Variants in PTPRD observed in about 807,000 individuals in gnomAD.
The protein encoded by PTPRD is receptor-type tyrosine-protein phosphatase delta.
In PTPRD, 34 loss-of-function variants were observed where a neutral mutation model predicts 214.5. The observed-to-expected ratio is 0.16, with a 90% CI of 0.12 to 0.21. The LOEUF (loss-of-function observed/expected upper bound fraction) is 0.21, where lower values mean the gene tolerates loss of function less well. Among genes scored for constraint, PTPRD ranks in the 10% least tolerant of loss-of-function variants. The pLI is 1.00. For synonymous variants in PTPRD, 1,128 were observed against 845.7 expected, an observed-to-expected ratio of 1.33 and a Z score of -5.79; for missense variants, 2,545 against 2,398.7, an observed-to-expected ratio of 1.06 and a Z score of -1.27.
In PTPRD at chr9:10,119,758, T is replaced by C. The variant is rs138788479; in HGVS notation, c.-544-85968A>G. 3.1e-3 allele frequency among the ~76,000 whole-genome samples: 477 copies of C among 152,138 alleles called. 3 individuals carry two copies. The highest frequency in any genetic ancestry group is 0.011 in the African/African-American group (461 of 41,546). ...CGTCTTCTGTTAGAACAAAAATTTA[T>C]TTTCCTGTCTATAAAAGCAGTCATG... On this transcript the variant is annotated intron_variant, in intron 3 of 45. Transcript: ENST00000381196.
At chr9:10,310,360 A>G (rs2154416961) in intron 3 of PTPRD, among the ~76,000 whole-genome samples, 1 of 152,214 alleles carries the variant, frequency 6.6e-6, no homozygotes, top group South Asian at 2.1e-4. Flanking sequence ...ACAAAAATGG[A>G]AAACATGATT....
At chr9:9,710,683 T>C (rs1208751548) in intron 7 of PTPRD, among the ~76,000 whole-genome samples, 1 of 152,132 alleles carries the variant, frequency 6.6e-6, no homozygotes, top group East Asian at 1.9e-4. Context: ...TCCATTTTCA[T>C]CTTCAAATTT....
At chr9:8,621,437 GT>G (rs2095820915) in intron 14 of PTPRD, among the ~76,000 whole-genome samples, 1 of 151,942 alleles carries the variant, frequency 6.6e-6, no homozygotes, top group African/African-American at 2.4e-5. Context: ...TCTTAAAAAT[GT>G]TGATAGGGAA....
chr9:8,335,067 G>A (rs1215261286), intron 43 of PTPRD, among the ~76,000 whole-genome samples: 2 of 152,036 alleles, frequency 1.3e-5, no homozygotes, highest in African/African-American at 2.4e-5. Context: ...TCTACCAGAG[G>A]TACAAAGAGG....
chr9:9,636,977 G>C (rs2154363172), intron 7 of PTPRD, among the ~76,000 whole-genome samples: 1 of 151,744 alleles, frequency 6.6e-6, no homozygotes, highest in African/African-American at 2.4e-5. Context: ...GTCCTCACAT[G>C]GTAGAAGCAG....
intron 3 of PTPRD, among the ~76,000 whole-genome samples, chr9:10,078,508 T>G (rs1233903910): frequency 4.7e-5 from 5 of 106,888 alleles, no homozygotes; most frequent in Non-Finnish European, 7.0e-5. Context: ...AGACCAAGAC[T>G]CCATCTAAAA....
chr9:8,844,742 C>A (rs1265959397), intron 11 of PTPRD, among the ~76,000 whole-genome samples: 1 of 152,128 alleles, frequency 6.6e-6, no homozygotes, highest in Non-Finnish European at 1.5e-5. Context: ...ATTCTATATG[C>A]TAGGTCACAG....
At chr9:9,902,969 C>A (rs150231949) in intron 5 of PTPRD, among the ~76,000 whole-genome samples, 5 of 152,122 alleles carry the variant, frequency 3.3e-5, no homozygotes, top group Admixed American at 6.6e-5. Context: ...TCTAATTCTG[C>A]CAAAATATCC....
chr9:9,511,599 G>C (rs994032286), intron 8 of PTPRD, among the ~76,000 whole-genome samples: 4 of 151,698 alleles, frequency 2.6e-5, no homozygotes, highest in African/African-American at 9.7e-5. Context: ...AATAAATACA[G>C]CAACATCAAC....
chr9:8,771,192 A>AG (rs57006870), intron 11 of PTPRD, among the ~76,000 whole-genome samples: 3 of 151,450 alleles, frequency 2.0e-5, no homozygotes, highest in Admixed American at 2.0e-4. Flanking sequence ...AAAAAAAAAA[A>AG]GATAGTAGTC....
chr9:8,744,351 T>C (rs568788706), intron 11 of PTPRD, among the ~76,000 whole-genome samples: 1 of 151,908 alleles, frequency 6.6e-6, no homozygotes, highest in Non-Finnish European at 1.5e-5. Flanking sequence ...TGCACACGCA[T>C]GTATACAGCA....
intron 10 of PTPRD, among the ~76,000 whole-genome samples, chr9:9,129,924 T>G (rs1344817742): frequency 1.3e-5 from 2 of 152,174 alleles, no homozygotes; most frequent in Non-Finnish European, 2.9e-5. Context: ...TTATGTAATT[T>G]CTCTCTGCTT....
At chr9:9,936,284 A>T (rs895971220) in intron 5 of PTPRD, among the ~76,000 whole-genome samples, 3 of 151,578 alleles carry the variant, frequency 2.0e-5, no homozygotes, top group African/African-American at 7.3e-5. Context: ...CATCAGAGTG[A>T]ACAGGCAACC....
intron 13 of PTPRD, 95 bp from the exon 14 acceptor site, chr9:8,633,553 C>T (rs1464154503): frequency 1.0e-5 from 14 of 1,373,048 alleles, no homozygotes; most frequent in Non-Finnish European, 1.2e-5. Flanking sequence ...CCATTAGGCT[C>T]ATAATAAACT....
chr9:9,296,669 A>G (rs1595368575), intron 9 of PTPRD, among the ~76,000 whole-genome samples: 1 of 151,772 alleles, frequency 6.6e-6, no homozygotes, highest in African/African-American at 2.4e-5. Context: ...TAAGAGAGAG[A>G]ATGTAGAATG....
At chr9:10,516,050 C>A (rs2049987106) in intron 2 of PTPRD, among the ~76,000 whole-genome samples, 1 of 151,818 alleles carries the variant, frequency 6.6e-6, no homozygotes, top group Non-Finnish European at 1.5e-5. Context: ...GTGCTAATAT[C>A]TTTTTTAAGA....
At position 10,322,961 on chromosome 9, in the gene PTPRD, T is replaced by G. The variant is rs10959043; in HGVS notation, c.-545+18002A>C. On this transcript the variant is annotated intron_variant, in intron 3 of 45. Coordinates refer to ENST00000381196, the MANE Select transcript of PTPRD (RefSeq NM_002839.4). Reference sequence around the variant, plus strand: ...GAATGTTCAGGAATAAAAGTAACTATGGGGAAGATACAGATTCTATTAAAA... The same window carrying G: ...GAATGTTCAGGAATAAAAGTAACTAGGGGGAAGATACAGATTCTATTAAAA... Among the ~76,000 whole-genome samples, 3 of 151,682 alleles carry G rather than the reference T, an allele frequency of 2.0e-5. No homozygotes were observed. The South Asian group carries it at 6.2e-4, about 31-fold the overall frequency.
At chr9:9,747,981 T>A (rs2098475326) in intron 6 of PTPRD, among the ~76,000 whole-genome samples, 1 of 152,182 alleles carries the variant, frequency 6.6e-6, no homozygotes, top group African/African-American at 2.4e-5. Context: ...ATGTTGTGAT[T>A]AAGCTTATGA....
In PTPRD at chr9:9,685,588, T is replaced by C. The variant is rs1417230334; in HGVS notation, c.-287+48945A>G. Among the ~76,000 whole-genome samples the C allele has an allele frequency of 2.6e-5, 4 of 151,302 alleles. No homozygotes were observed. In the East Asian group the frequency reaches 7.7e-4, roughly 29 times the overall value. ...ATAAATCTTAACAACCAAATCAAAA[T>C]ATTCAGACACCCTCATTGAATTAAA... On this transcript the variant is annotated intron_variant, in intron 7 of 45. Transcript: ENST00000381196.
Sources: gnomAD v4.1 joint callset for allele counts (sites outside exome capture counted in the v4.1 genomes callset) on GRCh38, gnomAD v4.1.1 for gene constraint, MANE v1.5 for transcripts, NCBI Gene and HGNC (gene_info 2026-07-23, HGNC 2026-07-21) for gene names.